Variants in AGBL4 observed in about 807,000 individuals in gnomAD.
AGBL4 encodes AGBL carboxypeptidase 4.
AGBL4 carries 58 observed loss-of-function variants against 66.4 expected under a neutral mutation model. That is an observed-to-expected ratio of 0.87 (90% CI 0.71 to 1.09). The LOEUF is 1.09. Ranked by LOEUF, AGBL4 falls within the 50% of genes least tolerant of loss-of-function variation. The pLI is 0.00. For missense variants in AGBL4, 579 were observed against 631.0 expected, an observed-to-expected ratio of 0.92 and a Z score of 0.88; for synonymous variants, 234 against 222.9, an observed-to-expected ratio of 1.05 and a Z score of -0.44.
chr1:49,713,367 G>A (rs1222976388), intron 2 of AGBL4, among the ~76,000 whole-genome samples: 1 of 151,986 alleles, frequency 6.6e-6, no homozygotes, highest in African/African-American at 2.4e-5. Flanking sequence ...CTTTTCTCAT[G>A]TTAACACCTT....
chr1:49,715,149 T>C (rs1485774093), intron 2 of AGBL4, among the ~76,000 whole-genome samples: 3 of 152,106 alleles, frequency 2.0e-5, no homozygotes, highest in African/African-American at 4.8e-5. Flanking sequence ...TGGTGTGTGA[T>C]GTTCCCCTCC....
intron 1 of AGBL4, among the ~76,000 whole-genome samples, chr1:49,959,287 T>C (rs1274230213): frequency 1.3e-5 from 2 of 152,078 alleles, no homozygotes; most frequent in East Asian, 3.9e-4. Flanking sequence ...TATGAGCCTT[T>C]TGAAAAGTTT....
At chr1:48,633,595 T>C (rs1645624051) in intron 9 of AGBL4, among the ~76,000 whole-genome samples, 1 of 152,200 alleles carries the variant, frequency 6.6e-6, no homozygotes, top group South Asian at 2.1e-4. Context: ...CACACACACA[T>C]ACTCCATTCT....
chr1:48,860,975 G>A (rs1647413264), intron 6 of AGBL4, among the ~76,000 whole-genome samples: 1 of 152,110 alleles, frequency 6.6e-6, no homozygotes, highest in Admixed American at 6.5e-5. Context: ...TTTAAAATAA[G>A]CATATTGAGG....
chr1:48,934,605 T>C (rs1655300817), intron 5 of AGBL4, among the ~76,000 whole-genome samples: 1 of 152,036 alleles, frequency 6.6e-6, no homozygotes, highest in African/African-American at 2.4e-5. Flanking sequence ...AACATGCTCT[T>C]CCTCCAGAAT....
chr1:49,225,082 G>T (rs188386978), intron 4 of AGBL4, among the ~76,000 whole-genome samples: 26 of 152,208 alleles, frequency 1.7e-4, no homozygotes, highest in African/African-American at 5.3e-4. Flanking sequence ...AAATAAGAAG[G>T]GCCGTAAGAC....
chr1:49,932,655 G>C (rs1653486492), intron 1 of AGBL4, among the ~76,000 whole-genome samples: 1 of 151,868 alleles, frequency 6.6e-6, no homozygotes, highest in Non-Finnish European at 1.5e-5. Context: ...AAATAAGAAA[G>C]AATGACAGCA....
intron 3 of AGBL4, among the ~76,000 whole-genome samples, chr1:49,508,144 A>G (rs1648866024): frequency 6.6e-6 from 1 of 151,992 alleles, no homozygotes; most frequent in Non-Finnish European, 1.5e-5. Context: ...AGTTTCATGT[A>G]TAATTATTAA....
chr1:50,001,529 G>A (rs1297974015), intron 1 of AGBL4, among the ~76,000 whole-genome samples: 1 of 150,238 alleles, frequency 6.7e-6, no homozygotes, highest in African/African-American at 2.5e-5. Context: ...ATATATGAAT[G>A]TATATATAAA....
At chr1:49,933,192 G>A (rs1229606097) in intron 1 of AGBL4, among the ~76,000 whole-genome samples, 1 of 152,054 alleles carries the variant, frequency 6.6e-6, no homozygotes, top group Non-Finnish European at 1.5e-5. Context: ...AAATAGTAAT[G>A]TACAAGTGAG....
intron 3 of AGBL4, among the ~76,000 whole-genome samples, chr1:49,348,376 G>A (rs892735939): frequency 3.3e-5 from 5 of 151,784 alleles, no homozygotes; most frequent in Non-Finnish European, 5.9e-5. Flanking sequence ...AGCTGAAATC[G>A]CGCCACCGCA....
chr1:49,702,291 G>A (rs1647111033), intron 2 of AGBL4, among the ~76,000 whole-genome samples: 1 of 152,124 alleles, frequency 6.6e-6, no homozygotes, highest in Non-Finnish European at 1.5e-5. Context: ...AAGAGATGGA[G>A]ACCATCCTGG....
chr1:48,731,925 G>A (rs752134856), intron 6 of AGBL4, among the ~76,000 whole-genome samples: 6 of 152,160 alleles, frequency 3.9e-5, no homozygotes, highest in Non-Finnish European at 5.9e-5. Context: ...GTTACATAAT[G>A]GAGAGAGGAG....
intron 4 of AGBL4, among the ~76,000 whole-genome samples, chr1:49,068,704 T>A (rs527803755): frequency 1.3e-5 from 2 of 152,302 alleles, no homozygotes; most frequent in South Asian, 4.1e-4. Flanking sequence ...TGTCCATGTG[T>A]CTTTATAGTA....
chr1:49,823,311 T>C (rs1442311353), intron 2 of AGBL4, among the ~76,000 whole-genome samples: 1 of 152,142 alleles, frequency 6.6e-6, no homozygotes, highest in African/African-American at 2.4e-5. Context: ...AAAATTGACC[T>C]AGTGGGCTGG....
intron 1 of AGBL4, among the ~76,000 whole-genome samples, chr1:49,856,081 C>T (rs2148073110): frequency 6.6e-6 from 1 of 151,908 alleles, no homozygotes; most frequent in African/African-American, 2.4e-5. Context: ...CATAGAAATA[C>T]AAAGGACCAC....
intron 3 of AGBL4, among the ~76,000 whole-genome samples, chr1:49,652,839 T>G (rs1646036310): frequency 6.6e-6 from 1 of 152,124 alleles, no homozygotes; most frequent in Non-Finnish European, 1.5e-5. Context: ...GAGAAGCTCC[T>G]AGGAAGAGGG....
intron 5 of AGBL4, among the ~76,000 whole-genome samples, chr1:49,001,665 T>A (rs1323859970): frequency 4.6e-5 from 7 of 152,332 alleles, no homozygotes; most frequent in Non-Finnish European, 1.0e-4. Flanking sequence ...CCGTGGTGCT[T>A]CCTACATGTC....
At chr1:48,692,132 CAA>C (rs1646642485) in intron 6 of AGBL4, among the ~76,000 whole-genome samples, 1 of 152,144 alleles carries the variant, frequency 6.6e-6, no homozygotes, top group African/African-American at 2.4e-5. Context: ...CCCTCCCATT[CAA>C]AGTCTAAGAG....
Sources: allele counts gnomAD v4.1 joint callset (sites outside exome capture counted in the v4.1 genomes callset), GRCh38; gene constraint gnomAD v4.1.1; transcripts MANE v1.5; gene names NCBI Gene and HGNC (gene_info 2026-07-23, HGNC 2026-07-21).